DLGAP1: variants seen among roughly 807,000 people sequenced by gnomAD.
The protein encoded by DLGAP1 is disks large-associated protein 1.
In DLGAP1, 11 loss-of-function variants were observed where a neutral mutation model predicts 90.8. The ratio of observed to expected loss-of-function variants is 0.12; its 90% CI spans 0.08 to 0.20. The LOEUF (loss-of-function observed/expected upper bound fraction) is 0.20, where lower values mean the gene tolerates loss of function less well. Among genes scored for constraint, DLGAP1 ranks in the 10% least tolerant of loss-of-function variants. DLGAP1 has a pLI of 1.00. For synonymous variants in DLGAP1, 558 were observed against 540.7 expected, an observed-to-expected ratio of 1.03 and a Z score of -0.44; for missense variants, 1,050 against 1,333.8, an observed-to-expected ratio of 0.79 and a Z score of 3.31.
chr18:4,384,856 T>G (rs1004341819), intron 1 of DLGAP1, among the ~76,000 whole-genome samples: 1 of 152,192 alleles, frequency 6.6e-6, no homozygotes, highest in African/African-American at 2.4e-5. Context: ...TTCCATTAAC[T>G]GATATTAGAA....
intron 7 of DLGAP1, among the ~76,000 whole-genome samples, chr18:3,647,484 T>TA (rs1402645849): frequency 1.4e-5 from 2 of 148,056 alleles, no homozygotes; most frequent in African/African-American, 2.6e-5. Context: ...TTTTTTTTTT[T>TA]AAACCGAGAC....
intron 3 of DLGAP1, among the ~76,000 whole-genome samples, chr18:3,947,221 C>CA (rs1276519083): frequency 6.6e-6 from 1 of 152,150 alleles, no homozygotes; most frequent in East Asian, 1.9e-4. Flanking sequence ...TACCAAGAAA[C>CA]AGAAAGAACT....
chr18:3,598,641 T>A (rs2056730646), intron 7 of DLGAP1, among the ~76,000 whole-genome samples: 1 of 151,926 alleles, frequency 6.6e-6, no homozygotes, highest in Admixed American at 6.6e-5. Flanking sequence ...CTAATTTTTG[T>A]ATTTTTAGTA....
At chr18:4,407,999 G>C (rs1362509896) in intron 1 of DLGAP1, among the ~76,000 whole-genome samples, 1 of 152,198 alleles carries the variant, frequency 6.6e-6, no homozygotes, top group Non-Finnish European at 1.5e-5. Context: ...ATGAACGTGA[G>C]TTTTGTCAAA....
chr18:4,325,395 G>A (rs1175020797), intron 1 of DLGAP1, among the ~76,000 whole-genome samples: 1 of 151,986 alleles, frequency 6.6e-6, no homozygotes, highest in Non-Finnish European at 1.5e-5. Context: ...CCATGCTAAT[G>A]GATAGGAAGA....
chr18:4,392,005 G>C (rs2082350549), intron 1 of DLGAP1, among the ~76,000 whole-genome samples: 1 of 152,142 alleles, frequency 6.6e-6, no homozygotes, highest in Non-Finnish European at 1.5e-5. Context: ...ACTTGTTTTG[G>C]TTAGAAACCC....
intron 4 of DLGAP1, chr18:3,845,469 A>G (rs2068954882): frequency 7.5e-7 from 1 of 1,324,684 alleles, no homozygotes; most frequent in African/African-American, 1.5e-5. Context: ...AAGATACTTA[A>G]TGAAATAAAA....
At chr18:4,072,911 A>T (rs1328569841) in intron 2 of DLGAP1, among the ~76,000 whole-genome samples, 2 of 152,328 alleles carry the variant, frequency 1.3e-5, no homozygotes, top group Non-Finnish European at 2.9e-5. Flanking sequence ...TAATTTAAGT[A>T]AGTTGCATAG....
intron 1 of DLGAP1, among the ~76,000 whole-genome samples, chr18:4,229,842 A>G (rs1035794207): frequency 4.6e-5 from 7 of 152,080 alleles, no homozygotes; most frequent in Non-Finnish European, 1.0e-4. Flanking sequence ...GGAACAATCA[A>G]CAAAGTGAAG....
At chr18:4,321,017 A>T (rs1370199406) in intron 1 of DLGAP1, among the ~76,000 whole-genome samples, 1 of 152,238 alleles carries the variant, frequency 6.6e-6, no homozygotes. Context: ...AATATTTATT[A>T]ACTTCGTCAT....
intron 3 of DLGAP1, among the ~76,000 whole-genome samples, chr18:3,997,443 GAGGACAGAAAAGTCCTT>G (rs1384426761): frequency 2.1e-5 from 1 of 47,016 alleles, no homozygotes; most frequent in African/African-American, 1.0e-4. Context: ...TTGGTCAAAG[GAGGACAGAAAAGTCCTT>G]ATGAGGGCCT....
At chr18:3,557,929 CA>C (rs111430668) in intron 9 of DLGAP1, among the ~76,000 whole-genome samples, 4,280 of 114,092 alleles carry the variant, frequency 0.038, 185 homozygotes, top group African/African-American at 0.12. Context: ...CTTCGTCTCA[CA>C]AAAAAAAAAA....
chr18:4,054,100 G>A (rs2075177618), intron 2 of DLGAP1, among the ~76,000 whole-genome samples: 1 of 152,166 alleles, frequency 6.6e-6, no homozygotes, highest in South Asian at 2.1e-4. Flanking sequence ...GCTGTCAGGT[G>A]ACTTTGTCAC....
intron 1 of DLGAP1, among the ~76,000 whole-genome samples, chr18:4,232,232 G>A (rs1356981090): frequency 1.3e-5 from 2 of 152,068 alleles, no homozygotes; most frequent in Admixed American, 1.3e-4. Flanking sequence ...GTTCATTATA[G>A]CAAAAAATTA....
At chr18:4,400,912 C>T (rs909046693) in intron 1 of DLGAP1, among the ~76,000 whole-genome samples, 1 of 152,158 alleles carries the variant, frequency 6.6e-6, no homozygotes, top group Non-Finnish European at 1.5e-5. Flanking sequence ...CTGAATTCAG[C>T]CTATCCTCCC....
chr18:4,322,008 T>C (rs1407166374), intron 1 of DLGAP1, among the ~76,000 whole-genome samples: 2 of 152,022 alleles, frequency 1.3e-5, no homozygotes, highest in East Asian at 3.9e-4. Context: ...GAGACCAGCC[T>C]GGTCAACGTG....
intron 1 of DLGAP1, among the ~76,000 whole-genome samples, chr18:4,339,890 A>G (rs2081152159): frequency 6.6e-6 from 1 of 152,238 alleles, no homozygotes; most frequent in African/African-American, 2.4e-5. Context: ...TGTCAAGTCT[A>G]CTGAAGATGT....
chr18:3,548,348 G>C (rs1337190559), intron 9 of DLGAP1, among the ~76,000 whole-genome samples: 1 of 151,410 alleles, frequency 6.6e-6, no homozygotes, highest in Non-Finnish European at 1.5e-5. Flanking sequence ...CATCTCAATA[G>C]ATGTCAAAGA....
chr18:4,364,514 A>G (rs1034130839), intron 1 of DLGAP1, among the ~76,000 whole-genome samples: 4 of 152,172 alleles, frequency 2.6e-5, no homozygotes, highest in Non-Finnish European at 4.4e-5. Flanking sequence ...GAAATGAAAC[A>G]AACAGTAATG....
Sources: gnomAD v4.1 joint callset for allele counts (sites outside exome capture counted in the v4.1 genomes callset) on GRCh38, gnomAD v4.1.1 for gene constraint, MANE v1.5 for transcripts, NCBI Gene and HGNC (gene_info 2026-07-23, HGNC 2026-07-21) for gene names.